Variants in EVA1C observed in about 807,000 individuals in gnomAD.
The protein encoded by EVA1C is eva-1 homolog C.
A neutral mutation model predicts 45.4 loss-of-function variants in EVA1C; 25 were observed. The ratio of observed to expected loss-of-function variants is 0.55; its 90% confidence interval spans 0.40 to 0.77. EVA1C has a LOEUF of 0.77. Among genes scored for constraint, EVA1C ranks in the 30% least tolerant of loss-of-function variants. The probability of loss-of-function intolerance (pLI) is 0.00; values close to 1 mark genes in which losing one functional copy is unlikely to be tolerated. For missense variants in EVA1C, 479 were observed against 554.8 expected (o/e 0.86, Z 1.37); for synonymous variants, 190 against 221.2 (o/e 0.86, Z 1.25).
chr21:32,440,801 T>A (rs1418540068), intron 1 of EVA1C, among the ~76,000 whole-genome samples: 2 of 152,196 alleles, frequency 1.3e-5, no homozygotes, highest in Non-Finnish European at 2.9e-5. Context: ...GTGTCATTCA[T>A]TCAAGAGCTG....
intron 4 of EVA1C, among the ~76,000 whole-genome samples, chr21:32,491,946 C>T (rs1037687353): frequency 3.3e-5 from 5 of 152,116 alleles, no homozygotes; most frequent in Admixed American, 1.3e-4. Context: ...GGCCTCGGCT[C>T]TCAGTGGTTT....
chr21:32,413,665 T>G (rs2033921672), intron 1 of EVA1C, among the ~76,000 whole-genome samples: 1 of 152,230 alleles, frequency 6.6e-6, no homozygotes, highest in Non-Finnish European at 1.5e-5. Context: ...GGAATCGTGA[T>G]CCAGGCTCTC....
rs766220962 is a variant in EVA1C at position 32,503,908 on chromosome 21, G to C, written c.860-18G>C. The C allele has an allele frequency of 3.8e-6, 6 of 1,589,904 alleles. No individual in the cohort carries two copies. The South Asian group carries it at 6.7e-5, about 18-fold the overall frequency. The stretch of plus-strand genomic sequence containing the variant: ...TGAACAGCTGTGATTAATTGGTCTT[G>C]CATTTTTCATGAAACAGGTATAAAC... On this transcript the variant is annotated intron_variant, in intron 6 of 7. Coordinates refer to ENST00000300255, the MANE Select transcript of EVA1C (RefSeq NM_058187.5).
At chr21:32,431,948 T>C (rs2034721324) in intron 1 of EVA1C, among the ~76,000 whole-genome samples, 1 of 152,240 alleles carries the variant, frequency 6.6e-6, no homozygotes, top group Admixed American at 6.5e-5. Flanking sequence ...TAGTGTACAT[T>C]GGAGCAAAAG....
At chr21:32,504,998 C>A (rs960260067) in intron 7 of EVA1C, among the ~76,000 whole-genome samples, 16 of 151,926 alleles carry the variant, frequency 1.1e-4, no homozygotes, top group African/African-American at 3.9e-4. Context: ...TGCAGGGGAA[C>A]TCCCCTTTAT....
At chr21:32,479,937 C>T (rs1030083070) in intron 4 of EVA1C, among the ~76,000 whole-genome samples, 1 of 151,470 alleles carries the variant, frequency 6.6e-6, no homozygotes, top group South Asian at 2.1e-4. Flanking sequence ...CCAGGGTGCT[C>T]TCATAGAATT....
At position 32,412,929 on chromosome 21, in the gene EVA1C, G is replaced by T; in HGVS notation, c.76G>T (p.Glu26Ter). The T allele has an allele frequency of 6.5e-7, 1 of 1,531,922 alleles. No individual in the cohort carries two copies. The highest frequency in any genetic ancestry group is 1.7e-4 in the Middle Eastern group (1 of 5,918). 94.9% of individuals were successfully genotyped at this position (1,531,922 alleles called of 1,614,324 possible). Reference sequence around the variant, plus strand: ...GCATCCCGGCCTCCGCCGGCAGGTAGAGCCGCCGGGGCAGCTCCTGCGCCT... The same window carrying T: ...GCATCCCGGCCTCCGCCGGCAGGTATAGCCGCCGGGGCAGCTCCTGCGCCT... Reference protein sequence around the residue: ...VQHPGLRRQVEPPGQLLRLFY... With the variant: ...VQHPGLRRQV Residue 26 changes from glutamate to a stop codon, truncating the protein, a stop_gained, in exon 1 of 8, where the codon GAG becomes TAG. Coordinates refer to ENST00000300255, the MANE Select transcript of EVA1C (RefSeq NM_058187.5). LOFTEE classifies it high-confidence loss of function.
intron 4 of EVA1C, among the ~76,000 whole-genome samples, chr21:32,484,106 AAT>A (rs2036887993): frequency 6.6e-6 from 1 of 152,042 alleles, no homozygotes; most frequent in South Asian, 2.1e-4. Flanking sequence ...ACGGTTCTCC[AAT>A]GAGTAGAAGA....
chr21:32,456,638 C>T (rs1009853436), intron 2 of EVA1C, among the ~76,000 whole-genome samples: 6 of 152,200 alleles, frequency 3.9e-5, no homozygotes, highest in Non-Finnish European at 7.3e-5. Flanking sequence ...GAGAGGCTCA[C>T]GTGTCTGCAC....
chr21:32,429,105 ACCTCG>A (rs2034600011), intron 1 of EVA1C, among the ~76,000 whole-genome samples: 1 of 147,790 alleles, frequency 6.8e-6, no homozygotes, highest in African/African-American at 2.7e-5. Context: ...GCTCACGGCA[ACCTCG>A]CCTCCCGGGT....
At chr21:32,427,103 G>A (rs932871973) in intron 1 of EVA1C, among the ~76,000 whole-genome samples, 8 of 152,168 alleles carry the variant, frequency 5.3e-5, no homozygotes, top group African/African-American at 1.9e-4. Flanking sequence ...TGCTCACTTT[G>A]GTGCCATAGA....
At chr21:32,489,698 A>G (rs2037090437) in intron 4 of EVA1C, among the ~76,000 whole-genome samples, 1 of 152,194 alleles carries the variant, frequency 6.6e-6, no homozygotes, top group African/African-American at 2.4e-5. Flanking sequence ...CAGTATGAAC[A>G]CTGTAACCAT....
In EVA1C at chr21:32,501,454, C is replaced by T; in HGVS notation, c.818C>T (p.Ala273Val). Residue 273 changes from alanine (A) to valine (V), a missense_variant, in exon 6 of 8, where the codon GCT becomes GTT. This residue lies in a region of EVA1C where 366 missense variants were observed against 426.1 expected (regional missense o/e 0.86). Coordinates refer to ENST00000300255, the MANE Select transcript of EVA1C (RefSeq NM_058187.5). Reference protein sequence around the residue: ...NILTAIDPAIANLKPSLKQKD... With the variant: ...NILTAIDPAIVNLKPSLKQKD... ...CTCACAGCGATTGATCCAGCCATTGCTAATCTAAAACCTTCTTTGAAGCAG... is the reference window on the plus strand; with the variant it reads ...CTCACAGCGATTGATCCAGCCATTGTTAATCTAAAACCTTCTTTGAAGCAG... The T allele has an allele frequency of 6.3e-7, 1 of 1,594,766 alleles. No individual in the cohort carries two copies. Among genetic ancestry groups the T allele is most frequent in the African/African-American group, 1.3e-5 (1 of 74,870 alleles).
chr21:32,440,595 G>T (rs540476186), intron 1 of EVA1C, among the ~76,000 whole-genome samples: 1 of 152,074 alleles, frequency 6.6e-6, no homozygotes, highest in Non-Finnish European at 1.5e-5. Context: ...TTTTAAAATT[G>T]GTTGACAGAT....
intron 3 of EVA1C, among the ~76,000 whole-genome samples, chr21:32,463,142 G>A (rs1042666080): frequency 2.0e-5 from 3 of 152,150 alleles, no homozygotes; most frequent in Non-Finnish European, 2.9e-5. Flanking sequence ...AAAAATAATC[G>A]CGGTTTTTGC....
intron 1 of EVA1C, among the ~76,000 whole-genome samples, chr21:32,445,716 G>A (rs1252013522): frequency 1.3e-5 from 2 of 152,156 alleles, no homozygotes; most frequent in African/African-American, 2.4e-5. Context: ...GGTTCATGTC[G>A]TGAACTCTTC....
chr21:32,422,696 T>C (rs2034327746), intron 1 of EVA1C, among the ~76,000 whole-genome samples: 1 of 152,124 alleles, frequency 6.6e-6, no homozygotes, highest in South Asian at 2.1e-4. Context: ...CAACCATCAG[T>C]CCTGAATTAT....
chr21:32,514,786 C>A (rs2146488825), intron 7 of EVA1C, 28 bp from the exon 8 acceptor site: 1 of 1,514,872 alleles, frequency 6.6e-7, no homozygotes, highest in South Asian at 1.3e-5. Flanking sequence ...CTCCTCCCAG[C>A]TCCTGACATG....
In EVA1C at chr21:32,474,091, C is replaced by A; in HGVS notation, c.634+6243C>A. On this transcript the variant is annotated intron_variant, in intron 4 of 7. Coordinates refer to ENST00000300255, the MANE Select transcript of EVA1C (RefSeq NM_058187.5). The surrounding 1 kb of genome is among the most constrained non-coding windows in gnomAD (Gnocchi z 4.4). The stretch of plus-strand genomic sequence containing the variant: ...TACAGGTGCATGCCACCATGCCTGG[C>A]ATGGTGGAGATGAAGTCTTGCTATT... The A allele has an allele frequency of 3.1e-6, 1 of 321,422 alleles. No individual in the cohort carries two copies. Among genetic ancestry groups the A allele is most frequent in the Non-Finnish European group, 4.5e-6 (1 of 223,158 alleles). The allele number at this position is 321,422 out of a possible 1,614,324, so 19.9% of individuals were successfully genotyped here. A position where few individuals can be genotyped will look rare whatever the true frequency, so the allele number is the denominator to read the frequency against.
Sources: gnomAD v4.1 joint callset for allele counts (sites outside exome capture counted in the v4.1 genomes callset) on GRCh38, gnomAD v4.1.1 for gene constraint, gnomAD v4.1.1 regional missense constraint, Gnocchi (gnomAD v3.1) non-coding constraint, MANE v1.5 for transcripts, NCBI Gene and HGNC (gene_info 2026-07-23, HGNC 2026-07-21) for gene names.